The following GLCCI1 variants were observed in gnomAD, a reference collection of about 807,000 sequenced individuals.
GLCCI1 encodes the protein glucocorticoid-induced transcript 1 protein.
A neutral mutation model predicts 52.2 loss-of-function variants in GLCCI1; 24 were observed. The observed-to-expected ratio is 0.46, with a 90% CI of 0.33 to 0.65. The LOEUF (loss-of-function observed/expected upper bound fraction) is 0.65. GLCCI1 is among the 30% of genes least tolerant of loss of function. GLCCI1 has a pLI of 0.02. For synonymous variants in GLCCI1, 310 were observed against 276.5 expected (o/e 1.12, Z -1.20); for missense variants, 704 against 701.5 (o/e 1.00, Z -0.04).
intron 6 of GLCCI1, among the ~76,000 whole-genome samples, chr7:8,071,883 C>T (rs1309227502): frequency 6.6e-6 from 1 of 152,102 alleles, no homozygotes; most frequent in Admixed American, 6.5e-5. Context: ...AGGTCAATGG[C>T]AACAAAATTG....
intron 3 of GLCCI1, among the ~76,000 whole-genome samples, chr7:8,027,469 C>CT (rs1387928910): frequency 6.6e-6 from 1 of 151,948 alleles, no homozygotes; most frequent in Non-Finnish European, 1.5e-5. Context: ...GCCTGGGTAA[C>CT]AGAGTGAAAC....
rs755458650 is a variant in GLCCI1, at chr7:8,086,502, G to A, written c.1608G>A (p.Glu536=). 1.2e-6 allele frequency: 2 copies of A among 1,613,344 alleles called. No homozygotes were observed. The highest frequency in any genetic ancestry group is 1.7e-6 in the Non-Finnish European group (2 of 1,179,692). ...AGCTCCTGCAGGAACTGCAGGGTGAGGACCACATCTCTGCTCAGAACTATG... is the reference window on the plus strand; with the variant it reads ...AGCTCCTGCAGGAACTGCAGGGTGAAGACCACATCTCTGCTCAGAACTATG... ...QQQLLQELQG[E]DHISAQNYVI... is the part of the protein sequence containing the mutation. Residue 536 remains glutamate (E), a synonymous_variant, in exon 8 of 8, where the codon GAG becomes GAA. Coordinates refer to ENST00000223145, the MANE Select transcript of GLCCI1 (RefSeq NM_138426.4). The surrounding 1 kb of genome is among the most constrained non-coding windows in gnomAD (Gnocchi z 4.4).
intron 6 of GLCCI1, among the ~76,000 whole-genome samples, chr7:8,077,684 T>A (rs971489892): frequency 3.3e-5 from 5 of 152,322 alleles, no homozygotes; most frequent in South Asian, 4.1e-4. Context: ...TAGGTGACAT[T>A]GTCATTATTA....
chr7:7,982,380 A>G (rs1461885770), intron 1 of GLCCI1, among the ~76,000 whole-genome samples: 1 of 152,150 alleles, frequency 6.6e-6, no homozygotes, highest in Non-Finnish European at 1.5e-5. Flanking sequence ...TACTGATTAT[A>G]TAGGGCACTG....
intron 1 of GLCCI1, among the ~76,000 whole-genome samples, chr7:7,987,597 G>A (rs1422615457): frequency 6.6e-6 from 1 of 151,956 alleles, no homozygotes; most frequent in Non-Finnish European, 1.5e-5. Context: ...GTCATTTATT[G>A]ATTGATGATT....
intron 2 of GLCCI1, among the ~76,000 whole-genome samples, chr7:8,006,249 A>G (rs1361145418): frequency 1.3e-5 from 2 of 152,258 alleles, no homozygotes; most frequent in African/African-American, 2.4e-5. Context: ...TGTTGACAGT[A>G]TCAGATGCTA....
intron 5 of GLCCI1, among the ~76,000 whole-genome samples, chr7:8,061,186 G>A (rs193194882): frequency 1.3e-5 from 2 of 148,732 alleles, no homozygotes; most frequent in Non-Finnish European, 3.0e-5. Context: ...TGCAAGCTCT[G>A]CCTCCTGGGT....
chr7:7,976,199 C>G (rs1780465799), intron 1 of GLCCI1, among the ~76,000 whole-genome samples: 1 of 152,082 alleles, frequency 6.6e-6, no homozygotes, highest in Admixed American at 6.6e-5. Flanking sequence ...AGCTAGTGGG[C>G]TGGGCGCAGT....
chr7:7,989,764 A>G lies in GLCCI1; in HGVS notation c.458-14144A>G, dbSNP rs189950307. 3.5e-3 allele frequency among the ~76,000 whole-genome samples: 530 copies of G among 152,288 alleles called. 3 individuals are homozygous for G. Among genetic ancestry groups the G allele is most frequent in the African/African-American group, 0.01 (426 of 41,570 alleles). ...ATGACAACATTCTTGCCTTTTAGGA[A>G]CATACCTCCTGGTAGATAAGTCTTG... On this transcript the variant is annotated intron_variant, in intron 1 of 7. Coordinates refer to ENST00000223145, the MANE Select transcript of GLCCI1 (RefSeq NM_138426.4).
At chr7:8,036,083 T>C (rs1781862177) in intron 3 of GLCCI1, among the ~76,000 whole-genome samples, 1 of 152,234 alleles carries the variant, frequency 6.6e-6, no homozygotes, top group Non-Finnish European at 1.5e-5. Flanking sequence ...CTGCTGTAGC[T>C]GGCCTTTACA....
chr7:8,025,076 AT>A (rs1781584639), intron 3 of GLCCI1, among the ~76,000 whole-genome samples: 1 of 152,212 alleles, frequency 6.6e-6, no homozygotes, highest in South Asian at 2.1e-4. Flanking sequence ...GTTGAGTTTA[AT>A]AGAAAGTTTT....
intron 1 of GLCCI1, among the ~76,000 whole-genome samples, chr7:7,988,323 T>C (rs1780777074): frequency 6.6e-6 from 1 of 152,182 alleles, no homozygotes; most frequent in African/African-American, 2.4e-5. Context: ...ATCAGGTGTA[T>C]TGTTATTAGT....
chr7:8,074,514 T>C (rs1782832924), intron 6 of GLCCI1, among the ~76,000 whole-genome samples: 1 of 152,068 alleles, frequency 6.6e-6, no homozygotes, highest in African/African-American at 2.4e-5. Flanking sequence ...TGAAACCCCA[T>C]CTCTACTAAA....
At chr7:8,011,892 T>C (rs938180515) in intron 2 of GLCCI1, among the ~76,000 whole-genome samples, 2 of 151,822 alleles carry the variant, frequency 1.3e-5, no homozygotes, top group African/African-American at 4.8e-5. Context: ...CTTGGCTCAC[T>C]GCAAGCTCTG....
At chr7:8,012,349 CT>C (rs1301737436) in intron 2 of GLCCI1, among the ~76,000 whole-genome samples, 1 of 142,188 alleles carries the variant, frequency 7.0e-6, no homozygotes, top group Non-Finnish European at 1.5e-5. Flanking sequence ...TTTAGGAGTT[CT>C]TTATATATAC....
intron 1 of GLCCI1, among the ~76,000 whole-genome samples, chr7:7,996,171 G>T (rs1291829571): frequency 6.6e-6 from 1 of 151,974 alleles, no homozygotes; most frequent in Non-Finnish European, 1.5e-5. Flanking sequence ...TCCACCTTTG[G>T]TCAGTTATTT....
At chr7:7,989,977 T>A (rs904839690) in intron 1 of GLCCI1, among the ~76,000 whole-genome samples, 1 of 152,124 alleles carries the variant, frequency 6.6e-6, no homozygotes, top group African/African-American at 2.4e-5. Flanking sequence ...GTAGTTCAGT[T>A]CTTGTCACCT....
chr7:7,976,505 G>GAAAAAAAAAAAAAA (rs1562413230), intron 1 of GLCCI1, among the ~76,000 whole-genome samples: 4 of 87,606 alleles, frequency 4.6e-5, no homozygotes, highest in African/African-American at 2.0e-4. Flanking sequence ...AAAAGGAAAG[G>GAAAAAAAAAAAAAA]AAAAAGGAAA....
intron 2 of GLCCI1, among the ~76,000 whole-genome samples, chr7:8,015,139 C>T (rs569307242): frequency 6.6e-6 from 1 of 152,282 alleles, no homozygotes; most frequent in African/African-American, 2.4e-5. Context: ...TGAACTAAAA[C>T]ATATATATTC....
Sources: gnomAD v4.1 joint callset for allele counts (sites outside exome capture counted in the v4.1 genomes callset) on GRCh38, gnomAD v4.1.1 for gene constraint, Gnocchi (gnomAD v3.1) non-coding constraint, MANE v1.5 for transcripts, NCBI Gene and HGNC (gene_info 2026-07-23, HGNC 2026-07-21) for gene names.